Variants in NRXN1 observed in about 807,000 individuals in gnomAD.
NRXN1 encodes the protein neurexin 1, also known as neurexin-1.
In NRXN1, 39 loss-of-function variants were observed where a neutral mutation model predicts 150.9. The ratio of observed to expected loss-of-function variants is 0.26; its 90% CI spans 0.20 to 0.34. NRXN1 has a LOEUF of 0.34. Ranked by LOEUF, NRXN1 falls within the 10% of genes least tolerant of loss-of-function variation. The pLI, the probability that NRXN1 is intolerant of heterozygous loss-of-function variation, is 1.00. For missense variants in NRXN1, 1,815 were observed against 1,949.9 expected (o/e 0.93, Z 1.30); for synonymous variants, 924 against 757.0 (o/e 1.22, Z -3.62).
At chr2:50,601,082 T>C (rs1344490802) in intron 8 of NRXN1, among the ~76,000 whole-genome samples, 3 of 151,794 alleles carry the variant, frequency 2.0e-5, no homozygotes, top group Non-Finnish European at 2.9e-5. Context: ...AAAAAAAAAA[T>C]AATAATAATT....
chr2:50,351,541 G>C (rs976816581), intron 17 of NRXN1, among the ~76,000 whole-genome samples: 1 of 152,122 alleles, frequency 6.6e-6, no homozygotes, highest in African/African-American at 2.4e-5. Context: ...CAAGATGCGT[G>C]AATTAACTAA....
intron 17 of NRXN1, among the ~76,000 whole-genome samples, chr2:50,345,897 C>T (rs2077919781): frequency 6.6e-6 from 1 of 152,198 alleles, no homozygotes; most frequent in African/African-American, 2.4e-5. Flanking sequence ...GTTCCAATAG[C>T]CTTCACACGT....
At chr2:50,927,804 A>G (rs548832135) in intron 2 of NRXN1, among the ~76,000 whole-genome samples, 33 of 152,140 alleles carry the variant, frequency 2.2e-4, no homozygotes, top group African/African-American at 7.0e-4. Context: ...AATTTCTGTA[A>G]AGACGGGCAA....
intron 19 of NRXN1, among the ~76,000 whole-genome samples, chr2:50,056,827 T>A (rs1053131658): frequency 6.6e-6 from 1 of 152,184 alleles, no homozygotes; most frequent in African/African-American, 2.4e-5. Flanking sequence ...CAAAAATACA[T>A]ACCCTTTGCT....
At chr2:50,199,180 A>G (rs1187976737) in intron 18 of NRXN1, 1 of 152,190 alleles carries the variant, frequency 6.6e-6, no homozygotes, top group Admixed American at 6.5e-5. Flanking sequence ...GGATGAAAAT[A>G]AAACCAAATT....
intron 6 of NRXN1, among the ~76,000 whole-genome samples, chr2:50,622,914 A>G (rs576372868): frequency 6.6e-6 from 1 of 152,248 alleles, no homozygotes; most frequent in African/African-American, 2.4e-5. Flanking sequence ...CACAAACACT[A>G]TTTTTTCGAC....
intron 5 of NRXN1, among the ~76,000 whole-genome samples, chr2:50,729,681 C>G (rs1458725572): frequency 6.6e-6 from 1 of 152,218 alleles, no homozygotes; most frequent in Non-Finnish European, 1.5e-5. Flanking sequence ...ACTCTTCACC[C>G]TCTCAGCACA....
intron 10 of NRXN1, among the ~76,000 whole-genome samples, chr2:50,535,595 C>T (rs1240618507): frequency 1.3e-5 from 2 of 152,158 alleles, no homozygotes; most frequent in Admixed American, 1.3e-4. Flanking sequence ...GATCAAGTCT[C>T]CACAAATTCT....
At chr2:50,725,046 T>A (rs1697163785) in intron 5 of NRXN1, among the ~76,000 whole-genome samples, 1 of 152,144 alleles carries the variant, frequency 6.6e-6, no homozygotes, top group Non-Finnish European at 1.5e-5. Context: ...TCAGGTTACG[T>A]AATAATTATC....
intron 21 of NRXN1, among the ~76,000 whole-genome samples, chr2:50,051,105 T>C (rs1443198139): frequency 6.6e-6 from 1 of 152,016 alleles, no homozygotes; most frequent in Non-Finnish European, 1.5e-5. Flanking sequence ...TAGCTTATAA[T>C]AAAAGAGGCT....
chr2:50,692,533 T>A (rs1460983902), intron 5 of NRXN1, among the ~76,000 whole-genome samples: 1 of 152,164 alleles, frequency 6.6e-6, no homozygotes, highest in African/African-American at 2.4e-5. Context: ...CTAATCAGAG[T>A]GTGAAAGCCA....
chr2:50,866,897 G>A (rs1677016584), intron 5 of NRXN1, among the ~76,000 whole-genome samples: 1 of 151,858 alleles, frequency 6.6e-6, no homozygotes, highest in Non-Finnish European at 1.5e-5. Context: ...CAGGGAACCT[G>A]CTCTCTTAGC....
At chr2:50,421,224 A>C (rs2083972622) in intron 17 of NRXN1, among the ~76,000 whole-genome samples, 2 of 152,092 alleles carry the variant, frequency 1.3e-5, no homozygotes, top group South Asian at 4.1e-4. Context: ...TTTTAAGAAA[A>C]GGAATTATTT....
intron 2 of NRXN1, among the ~76,000 whole-genome samples, chr2:50,941,056 G>T (rs890763632): frequency 6.6e-6 from 1 of 152,094 alleles, no homozygotes; most frequent in Non-Finnish European, 1.5e-5. Flanking sequence ...TCTCATGATA[G>T]AATTCTTATG....
intron 17 of NRXN1, among the ~76,000 whole-genome samples, chr2:50,445,540 C>A (rs2086325021): frequency 6.6e-6 from 1 of 152,116 alleles, no homozygotes; most frequent in South Asian, 2.1e-4. Flanking sequence ...AATTTGTGAA[C>A]CACTCACCTC....
chr2:50,788,339 G>T (rs1316096768), intron 5 of NRXN1, among the ~76,000 whole-genome samples: 1 of 151,800 alleles, frequency 6.6e-6, no homozygotes, highest in African/African-American at 2.4e-5. Flanking sequence ...CCGCCGCCTC[G>T]GCCTCCTAAA....
intron 17 of NRXN1, among the ~76,000 whole-genome samples, chr2:50,441,320 A>T (rs2085934840): frequency 1.3e-5 from 2 of 152,130 alleles, no homozygotes; most frequent in African/African-American, 2.4e-5. Context: ...CTCTGATTTC[A>T]CTTCTTCTTC....
intron 17 of NRXN1, among the ~76,000 whole-genome samples, chr2:50,267,918 AG>A (rs1386683221): frequency 6.6e-6 from 1 of 152,118 alleles, no homozygotes; most frequent in African/African-American, 2.4e-5. Flanking sequence ...GGCCAGGCAC[AG>A]CGGCTCACAC....
At chr2:50,080,507 A>T (rs980148539) in intron 19 of NRXN1, among the ~76,000 whole-genome samples, 1 of 152,078 alleles carries the variant, frequency 6.6e-6, no homozygotes, top group African/African-American at 2.4e-5. Flanking sequence ...ATGATATTGG[A>T]CACAGTTATT....
Sources: allele counts gnomAD v4.1 joint callset (sites outside exome capture counted in the v4.1 genomes callset), GRCh38; gene constraint gnomAD v4.1.1; transcripts MANE v1.5; gene names NCBI Gene and HGNC (gene_info 2026-07-23, HGNC 2026-07-21).